CYREN: variants seen among roughly 807,000 people sequenced by gnomAD.
CYREN encodes cell cycle regulator of non-homologous end joining.
In CYREN, 7 loss-of-function variants were observed where a neutral mutation model predicts 9.7. That is an observed-to-expected ratio of 0.72 (90% CI 0.41 to 1.36). The LOEUF is 1.36. Among genes scored for constraint, CYREN ranks in the 40% most tolerant of loss-of-function variants. The pLI is 0.01. For missense variants in CYREN, 215 were observed against 198.1 expected (o/e 1.09, Z -0.51); for synonymous variants, 76 against 77.9 (o/e 0.98, Z 0.13).
chr7:135,164,576 G>A (rs1229472300), downstream of CYREN: 4 of 1,614,130 alleles, frequency 2.5e-6, no homozygotes, highest in Admixed American at 6.7e-5. Flanking sequence ...TGCCCAACCT[G>A]AGAATCGGCT....
At chr7:135,135,252 G>A (rs1160691541) in intron 2 of CYREN, 1 of 1,517,840 alleles carries the variant, frequency 6.6e-7, no homozygotes, top group Non-Finnish European at 8.8e-7. Flanking sequence ...AGTTCCAAAG[G>A]GAGAGTTAAT....
At chr7:135,109,394 G>T (rs1434380700) in intron 2 of CYREN, among the ~76,000 whole-genome samples, 2 of 151,996 alleles carry the variant, frequency 1.3e-5, no homozygotes, top group East Asian at 3.9e-4. Context: ...TGGCTCGATA[G>T]CCCCAGCAAG....
At chr7:135,108,414 C>T (rs761372058) in intron 2 of CYREN, among the ~76,000 whole-genome samples, 15 of 152,276 alleles carry the variant, frequency 9.9e-5, no homozygotes, top group Non-Finnish European at 2.1e-4. Flanking sequence ...GTAATGAACT[C>T]CCTCAGCATT....
At chr7:135,136,114 T>C (rs1392265648) in intron 2 of CYREN, among the ~76,000 whole-genome samples, 1 of 151,998 alleles carries the variant, frequency 6.6e-6, no homozygotes, top group African/African-American at 2.4e-5. Context: ...AAGATGCATG[T>C]AGTAAGTCAG....
At position 135,165,795 on chromosome 7, in the gene CYREN, TTG is replaced by T. The variant is rs61428193; in HGVS notation, c.*814_*815del. ...TTAGCACAACTTACGCATTGGGGAA[TTG>T]TGTGTATTTTCTAGCACTTGTGTAT... On this transcript the variant is annotated 3_prime_UTR_variant, in exon 4 of 4. Coordinates refer to ENST00000393114, the MANE Select transcript of CYREN (RefSeq NM_024033.4). 2.1e-3 allele frequency: 345 copies of T among 167,154 alleles called. 1 individual carries two copies. The highest frequency in any genetic ancestry group is 7.6e-3 in the African/African-American group (316 of 41,510). The allele number at this position is 167,154 out of a possible 1,614,324, so 10.4% of individuals were successfully genotyped here.
chr7:135,163,537 C>T (rs954476926), downstream of CYREN, among the ~76,000 whole-genome samples: 3 of 151,950 alleles, frequency 2.0e-5, no homozygotes, highest in East Asian at 1.9e-4. Flanking sequence ...CCCAGCTACT[C>T]GGGAGGCTGA....
chr7:135,102,866 G>A (rs1824062003), intron 2 of CYREN, among the ~76,000 whole-genome samples: 1 of 151,988 alleles, frequency 6.6e-6, no homozygotes, highest in Non-Finnish European at 1.5e-5. Flanking sequence ...CTTGGAATAA[G>A]AAAAGACTCC....
chr7:135,119,871 C>T (rs1234419283), intron 2 of CYREN, among the ~76,000 whole-genome samples: 4 of 151,702 alleles, frequency 2.6e-5, no homozygotes, highest in East Asian at 1.9e-4. Flanking sequence ...AGCGAGACTC[C>T]GTCTCAAAAA....
At chr7:135,135,795 G>A (rs946534278) in intron 2 of CYREN, 5 of 152,120 alleles carry the variant, frequency 3.3e-5, no homozygotes, top group East Asian at 3.8e-4. Context: ...GTTAAGTTGT[G>A]CACTTCCAAT....
chr7:135,124,285 T>A (rs1279533379), intron 2 of CYREN, among the ~76,000 whole-genome samples: 4 of 148,408 alleles, frequency 2.7e-5, no homozygotes, highest in Non-Finnish European at 6.0e-5. Context: ...ACCAACAAAA[T>A]CAAAAAAGAC....
chr7:135,138,112 G>A (rs1051815085), intron 2 of CYREN, among the ~76,000 whole-genome samples: 1 of 151,766 alleles, frequency 6.6e-6, no homozygotes, highest in Non-Finnish European at 1.5e-5. Context: ...AAAGAGAAAT[G>A]GACTTTTTCA....
intron 2 of CYREN, among the ~76,000 whole-genome samples, chr7:135,121,461 C>A (rs1406829758): frequency 6.6e-6 from 1 of 151,552 alleles, no homozygotes; most frequent in South Asian, 2.1e-4. Context: ...ATGAAATAAA[C>A]CTCAACATAT....
chr7:135,102,259 T>G (rs534748586), intron 2 of CYREN, among the ~76,000 whole-genome samples: 1 of 152,362 alleles, frequency 6.6e-6, no homozygotes, highest in South Asian at 2.1e-4. Context: ...TAAAGTTTCT[T>G]CATTAGGTCT....
At chr7:135,144,189 T>C (rs190351560) in intron 2 of CYREN, among the ~76,000 whole-genome samples, 35 of 152,246 alleles carry the variant, frequency 2.3e-4, no homozygotes, top group African/African-American at 6.3e-4. Flanking sequence ...AGCTACTTCA[T>C]AGTGTGGAGT....
chr7:135,137,676 G>A (rs1829378118), intron 2 of CYREN, among the ~76,000 whole-genome samples: 1 of 152,044 alleles, frequency 6.6e-6, no homozygotes, highest in Admixed American at 6.6e-5. Context: ...AGAAGAGAGT[G>A]GAGTGAAACA....
At chr7:135,160,701 C>A (rs1287883360) in intron 2 of CYREN, among the ~76,000 whole-genome samples, 1 of 150,344 alleles carries the variant, frequency 6.7e-6, no homozygotes, top group African/African-American at 2.5e-5. Context: ...TGAAAGAACT[C>A]AGGGAGCCTA....
chr7:135,164,391 GGACT>G (rs745699495), downstream of CYREN: 1 of 1,530,684 alleles, frequency 6.5e-7, no homozygotes, highest in South Asian at 1.2e-5. Context: ...AGGGAGAGAT[GGACT>G]GACTGCTGTG....
chr7:135,114,372 G>GT (rs1175209719), intron 2 of CYREN, among the ~76,000 whole-genome samples: 1 of 151,934 alleles, frequency 6.6e-6, no homozygotes, highest in Non-Finnish European at 1.5e-5. Flanking sequence ...TTTTCTGGAG[G>GT]TTTTTTTTGA....
Position 135,102,759 on chromosome 7 carries a change from C to CA in CYREN, n.357-8178dup, listed in dbSNP as rs371654709. Among the ~76,000 whole-genome samples the CA allele has an allele frequency of 8.5e-3, 1,265 of 148,408 alleles. 5 individuals carry two copies. Among genetic ancestry groups the CA allele is most frequent in the Middle Eastern group, 0.027 (8 of 292 alleles). On this transcript the variant is annotated intron_variant and non_coding_transcript_variant, in intron 2 of 2. Transcript: ENST00000459937. Reference sequence around the variant, plus strand: ...CCCTAACCCTTGTCTTACACCATAGCAAAAAAAAATTAACTCAAAATGGAT... The same window carrying CA: ...CCCTAACCCTTGTCTTACACCATAGCAAAAAAAAAATTAACTCAAAATGGAT...
Sources: gnomAD v4.1 joint callset for allele counts (sites outside exome capture counted in the v4.1 genomes callset) on GRCh38, gnomAD v4.1.1 for gene constraint, MANE v1.5 for transcripts, NCBI Gene and HGNC (gene_info 2026-07-23, HGNC 2026-07-21) for gene names.